The following LRRC4B variants were observed in gnomAD, a reference collection of about 807,000 sequenced individuals.
LRRC4B encodes the protein leucine-rich repeat-containing protein 4B.
In LRRC4B, 1 loss-of-function variant was observed where a neutral mutation model predicts 7.3. That is an observed-to-expected ratio of 0.14 (90% CI 0.05 to 0.65). LRRC4B has a LOEUF of 0.65. Ranked by LOEUF, LRRC4B falls within the 30% of genes least tolerant of loss-of-function variation. The pLI is 0.84. For missense variants in LRRC4B, 730 were observed against 1,041.6 expected (o/e 0.70, Z 4.12); for synonymous variants, 500 against 499.2 (o/e 1.00, Z -0.02).
chr19:50,541,612 G>A (rs1981553723), intron 2 of LRRC4B, among the ~76,000 whole-genome samples: 1 of 152,082 alleles, frequency 6.6e-6, no homozygotes, highest in Non-Finnish European at 1.5e-5. Flanking sequence ...ATTTCCTTAG[G>A]ATGGATTGGT....
At chr19:50,566,603 C>T (rs1371143324) in intron 1 of LRRC4B, among the ~76,000 whole-genome samples, 2 of 151,448 alleles carry the variant, frequency 1.3e-5, no homozygotes, top group Non-Finnish European at 1.5e-5. Flanking sequence ...AGAGGCCATC[C>T]TGGGCTCTGG....
chr19:50,518,396 C>A lies in LRRC4B; in HGVS notation c.1317G>T (p.Thr439=), dbSNP rs749998117. ...QDTGQYTCMV[T]NSAGNTTASA... ...AGGCGGTGGTGTTGCCGGCTGAGTT[C>A]GTCACCATGCACGTGTACTGGCCCG... The change falls in exon 3 of 3, where the codon ACG becomes ACT. Residue 439 remains threonine (T), a synonymous_variant. Coordinates refer to ENST00000652263, the MANE Select transcript of LRRC4B (RefSeq NM_001080457.2). 3 of 1,581,964 alleles carry A rather than the reference C, an allele frequency of 1.9e-6. No homozygotes were observed. Among genetic ancestry groups the A allele is most frequent in the Non-Finnish European group, 2.6e-6 (3 of 1,166,664 alleles).
chr19:50,556,983 G>A lies in LRRC4B; in HGVS notation c.-35-8110C>T, dbSNP rs145018976. 0.011 allele frequency among the ~76,000 whole-genome samples: 1,614 copies of A among 152,240 alleles called. 24 individuals carry two copies. The highest frequency in any genetic ancestry group is 0.036 in the African/African-American group (1,500 of 41,538). On this transcript the variant is annotated intron_variant, in intron 1 of 2. Coordinates refer to ENST00000652263, the MANE Select transcript of LRRC4B (RefSeq NM_001080457.2). This position sits in a 1 kb window ranked among gnomAD's most constrained non-coding sequence, Gnocchi z 4.2. ...GCCCTCCTTCCTCTCACAACGGGCT[G>A]TGACAACAGAGGGGCAGGCTCAGCT...
In LRRC4B at chr19:50,518,545, A is replaced by T; in HGVS notation, c.1168T>A (p.Ser390Thr). The T allele has an allele frequency of 6.3e-7, 1 of 1,584,686 alleles. No individual in the cohort carries two copies. The highest frequency in any genetic ancestry group is 8.6e-7 in the Non-Finnish European group (1 of 1,163,018). The change falls in exon 3 of 3, where the codon TCC becomes ACC. Residue 390 changes from serine to threonine, a missense_variant. By Grantham distance (58) the Ser-to-Thr change is moderately conservative (BLOSUM62 1). Transcript: ENST00000652263. The part of the protein sequence containing the change: ...AAELKCRTGT[S>T]MTSVNWLTPN... ...GTCAGCCAGTTGACGGAGGTCATGG[A>T]GGTGCCCGTGCGGCATTTGAGCTCG...
intron 1 of LRRC4B, among the ~76,000 whole-genome samples, chr19:50,550,698 A>G (rs1982017119): frequency 6.6e-6 from 1 of 152,166 alleles, no homozygotes; most frequent in Admixed American, 6.5e-5. Context: ...CAGGGGAAAG[A>G]GGGAGCTGGG....
chr19:50,547,839 CATTA>C (rs1179565755), intron 2 of LRRC4B, among the ~76,000 whole-genome samples: 15 of 151,970 alleles, frequency 9.9e-5, no homozygotes, highest in African/African-American at 3.6e-4. Context: ...TCAGAGTCAT[CATTA>C]ATTGAGTGGC....
At position 50,537,233 on chromosome 19, in the gene LRRC4B, A is replaced by G. The variant is rs1981332043; in HGVS notation, c.297+11309T>C. Among the ~76,000 whole-genome samples, 2 of 152,228 alleles carry G rather than the reference A, an allele frequency of 1.3e-5. No homozygotes were observed. Among genetic ancestry groups the G allele is most frequent in the Admixed American group, 1.3e-4 (2 of 15,290 alleles). ...CCGAGTCCCAGCTCCGTTACTAACC[A>G]TGGGACCAGGACCGTTTGCAAGTGT... On this transcript the variant is annotated intron_variant, in intron 2 of 2. Transcript: ENST00000652263. The surrounding 1 kb of genome is among the most constrained non-coding windows in gnomAD (Gnocchi z 5.5).
At chr19:50,566,813 G>T (rs1166015861) in intron 1 of LRRC4B, among the ~76,000 whole-genome samples, 1 of 151,438 alleles carries the variant, frequency 6.6e-6, no homozygotes, top group Non-Finnish European at 1.5e-5. Context: ...ACGATGGAGG[G>T]GGTCTCTGGG....
intron 2 of LRRC4B, among the ~76,000 whole-genome samples, chr19:50,524,494 TCCTCCCGTCTCAG>T (rs1904807508): frequency 6.6e-6 from 1 of 152,124 alleles, no homozygotes; most frequent in Admixed American, 6.6e-5. Flanking sequence ...CCTCAAGCGA[TCCTCCCGTCTCAG>T]CCTCCCAAAG....
Position 50,548,827 on chromosome 19 carries a change from G to A in LRRC4B, c.12C>T (p.Ala4=). ...GCAGCGGGGGGCACGGGGAGCCGCGGGCACGCGCCATCCTCAATGTTCATG... is the reference window on the plus strand; with the variant it reads ...GCAGCGGGGGGCACGGGGAGCCGCGAGCACGCGCCATCCTCAATGTTCATG... The part of the protein sequence containing the change: MAR[A]RGSPCPPLPP... The change falls in exon 2 of 3, where the codon GCC becomes GCT. Residue 4 remains alanine (A), a synonymous_variant. Transcript: ENST00000652263. This position sits in a 1 kb window ranked among gnomAD's most constrained non-coding sequence, Gnocchi z 6.8. 1 of 1,485,486 alleles carries A rather than the reference G, an allele frequency of 6.7e-7. No homozygotes were observed. The highest frequency in any genetic ancestry group is 8.9e-7 in the Non-Finnish European group (1 of 1,122,880). The allele number at this position is 1,485,486 out of a possible 1,614,324, so 92.0% of individuals were successfully genotyped here.
intron 2 of LRRC4B, among the ~76,000 whole-genome samples, chr19:50,523,890 C>T (rs1285822888): frequency 6.6e-6 from 1 of 150,872 alleles, no homozygotes; most frequent in Non-Finnish European, 1.5e-5. Flanking sequence ...ACCCGGGAGG[C>T]GGAGGTTGCA....
intron 2 of LRRC4B, among the ~76,000 whole-genome samples, chr19:50,523,217 A>G (rs145492987): frequency 0.012 from 1,882 of 152,324 alleles, 25 homozygotes; most frequent in Non-Finnish European, 0.018. Context: ...CCATTGGATC[A>G]TATCTGCAAA....
At chr19:50,534,140 C>CT (rs1218990921) in intron 2 of LRRC4B, among the ~76,000 whole-genome samples, 7 of 152,124 alleles carry the variant, frequency 4.6e-5, no homozygotes, top group Middle Eastern at 3.2e-3. Flanking sequence ...AGACAAAGCC[C>CT]TGTCTTCCTA....
chr19:50,535,423 C>G (rs555884020), intron 2 of LRRC4B, among the ~76,000 whole-genome samples: 1 of 152,118 alleles, frequency 6.6e-6, no homozygotes, highest in East Asian at 1.9e-4. Flanking sequence ...CTGCCTGCCT[C>G]TGCCTCCCAG....
At chr19:50,565,220 G>A (rs950524339) in intron 1 of LRRC4B, among the ~76,000 whole-genome samples, 1 of 152,318 alleles carries the variant, frequency 6.6e-6, no homozygotes, top group East Asian at 1.9e-4. Context: ...CTGTCTTAGC[G>A]GCACCTGGGG....
At position 50,553,990 on chromosome 19, in the gene LRRC4B, C is replaced by T. The variant is rs953312889; in HGVS notation, c.-35-5117G>A. On this transcript the variant is annotated intron_variant, in intron 1 of 2. Coordinates refer to ENST00000652263, the MANE Select transcript of LRRC4B (RefSeq NM_001080457.2). The surrounding 1 kb of genome is among the most constrained non-coding windows in gnomAD (Gnocchi z 4.2). ...AGGAGGCCTGCTGGCAGAGGCAGCA[C>T]CTTTTTTTTTTTTTTTTTTTTGAGA... Among the ~76,000 whole-genome samples the T allele has an allele frequency of 2.8e-5, 3 of 107,752 alleles. No homozygotes were observed. Among genetic ancestry groups the T allele is most frequent in the African/African-American group, 1.0e-4 (3 of 29,920 alleles). 70.7% of individuals were successfully genotyped at this position (107,752 alleles called of 152,430 possible). A position where few individuals can be genotyped will look rare whatever the true frequency, so the allele number is the denominator to read the frequency against.
At chr19:50,551,427 C>G (rs1014415825) in intron 1 of LRRC4B, among the ~76,000 whole-genome samples, 1 of 151,150 alleles carries the variant, frequency 6.6e-6, no homozygotes, top group African/African-American at 2.4e-5. Context: ...CTCCCCTCCC[C>G]GCTCGCCTCC....
chr19:50,527,208 A>G (rs1980848140), intron 2 of LRRC4B, among the ~76,000 whole-genome samples: 1 of 150,944 alleles, frequency 6.6e-6, no homozygotes, highest in Admixed American at 6.6e-5. Flanking sequence ...AATTTTCTGC[A>G]TTTTTAGTAG....
At chr19:50,536,691 C>T (rs940547847) in intron 2 of LRRC4B, among the ~76,000 whole-genome samples, 4 of 152,190 alleles carry the variant, frequency 2.6e-5, no homozygotes, top group African/African-American at 9.7e-5. Context: ...GACGAGACCA[C>T]GGCATCCTTG....
Sources: allele counts gnomAD v4.1 joint callset (sites outside exome capture counted in the v4.1 genomes callset), GRCh38; gene constraint gnomAD v4.1.1; non-coding constraint Gnocchi (gnomAD v3.1); transcripts MANE v1.5; gene names NCBI Gene and HGNC (gene_info 2026-07-23, HGNC 2026-07-21).